BORCS5: variants seen among roughly 807,000 people sequenced by gnomAD.
BORCS5 encodes BLOC-1 related complex subunit 5.
Under a neutral mutation model 22.1 loss-of-function variants are expected in BORCS5, and 17 were observed. The ratio of observed to expected loss-of-function variants is 0.77; its 90% CI spans 0.53 to 1.15. The LOEUF (loss-of-function observed/expected upper bound fraction) is 1.15. BORCS5 is among the 50% of genes most tolerant of loss of function. The pLI is 0.00. For missense variants in BORCS5, 247 were observed against 253.2 expected (o/e 0.98, Z 0.17); for synonymous variants, 117 against 99.8 (o/e 1.17, Z -1.03).
At position 12,464,763 on chromosome 12, in the gene BORCS5, A is replaced by C. The variant is rs537361292; in HGVS notation, c.361-783A>C. On this transcript the variant is annotated intron_variant, in intron 3 of 3. Coordinates refer to ENST00000314565, the MANE Select transcript of BORCS5 (RefSeq NM_058169.6). ...CACGCAAGGGCAGCCCAGAGCCCGC[A>C]GTTTCTTTAATGGGGGAGAAGGGCA... 5.8e-4 allele frequency among the ~76,000 whole-genome samples: 89 copies of C among 152,240 alleles called. No individual in the cohort carries two copies. The South Asian group carries it at 8.9e-3, about 15-fold the overall frequency.
chr12:12,411,231 G>A (rs1032126811), intron 2 of BORCS5, among the ~76,000 whole-genome samples: 2 of 152,134 alleles, frequency 1.3e-5, no homozygotes, highest in Admixed American at 1.3e-4. Context: ...TCTCCTGCCT[G>A]ATTGCCCTGG....
At chr12:12,433,322 C>CAAA (rs34833037) in intron 2 of BORCS5, among the ~76,000 whole-genome samples, 46 of 40,680 alleles carry the variant, frequency 1.1e-3, no homozygotes, top group African/African-American at 2.1e-3. Flanking sequence ...GACTGTGTCT[C>CAAA]AAAAAAAAAA....
At chr12:12,358,292 C>G (rs1339623016) in intron 1 of BORCS5, among the ~76,000 whole-genome samples, 2 of 152,084 alleles carry the variant, frequency 1.3e-5, no homozygotes, top group East Asian at 1.9e-4. Context: ...AAAGAGTCGC[C>G]GATTTTAGAA....
At chr12:12,406,786 T>C (rs938493447) in intron 2 of BORCS5, among the ~76,000 whole-genome samples, 5 of 148,712 alleles carry the variant, frequency 3.4e-5, no homozygotes, top group African/African-American at 1.2e-4. Flanking sequence ...TGTGAGCATG[T>C]GTTAAACACC....
intron 3 of BORCS5, among the ~76,000 whole-genome samples, chr12:12,457,272 G>C (rs1340372671): frequency 6.6e-6 from 1 of 152,216 alleles, no homozygotes; most frequent in African/African-American, 2.4e-5. Context: ...CTGGCTTAAG[G>C]TCATGAAGGT....
At chr12:12,418,788 AT>A (rs1942038636) in intron 2 of BORCS5, among the ~76,000 whole-genome samples, 1 of 152,172 alleles carries the variant, frequency 6.6e-6, no homozygotes, top group Non-Finnish European at 1.5e-5. Context: ...AGACAAGCAT[AT>A]AGTTGGATCA....
chr12:12,366,056 T>C (rs1050790078), intron 2 of BORCS5, among the ~76,000 whole-genome samples: 1 of 152,210 alleles, frequency 6.6e-6, no homozygotes, highest in Non-Finnish European at 1.5e-5. Flanking sequence ...GCTGGGCTGC[T>C]GCAGGGGCCA....
intron 2 of BORCS5, among the ~76,000 whole-genome samples, chr12:12,407,530 A>G (rs570286938): frequency 1.6e-4 from 24 of 152,176 alleles, no homozygotes; most frequent in Admixed American, 1.2e-3. Context: ...TTGAGTGTAC[A>G]ATTCAGTGGC....
chr12:12,400,109 T>C (rs1029753504), intron 2 of BORCS5, among the ~76,000 whole-genome samples: 1 of 152,240 alleles, frequency 6.6e-6, no homozygotes, highest in Admixed American at 6.5e-5. Context: ...TGAATTAAGT[T>C]GAAGAATGTT....
intron 2 of BORCS5, among the ~76,000 whole-genome samples, chr12:12,427,653 TAC>T (rs1197073455): frequency 6.6e-6 from 1 of 152,210 alleles, no homozygotes; most frequent in Admixed American, 6.5e-5. Flanking sequence ...TATAACAGAA[TAC>T]CATAAACCGG....
chr12:12,362,666 G>GTTTTTTTTTTTTTTTTTTTTTT (rs1592050847), intron 2 of BORCS5, among the ~76,000 whole-genome samples: 1 of 35,766 alleles, frequency 2.8e-5, no homozygotes, highest in African/African-American at 7.5e-5. Context: ...TTTTTTTAGA[G>GTTTTTTTTTTTTTTTTTTTTTT]TTTTGCTCTG....
At chr12:12,429,594 T>A (rs919413698) in intron 2 of BORCS5, among the ~76,000 whole-genome samples, 1 of 143,674 alleles carries the variant, frequency 7.0e-6, no homozygotes, top group Non-Finnish European at 1.5e-5. Context: ...GTAATTCCTT[T>A]GATTTTGAAG....
chr12:12,419,531 A>G (rs941803989), intron 2 of BORCS5, among the ~76,000 whole-genome samples: 3 of 152,224 alleles, frequency 2.0e-5, no homozygotes, highest in Admixed American at 2.0e-4. Context: ...TTATAGCAGC[A>G]TGATTTATAA....
chr12:12,437,180 G>A (rs1475020646), intron 3 of BORCS5, among the ~76,000 whole-genome samples: 1 of 152,190 alleles, frequency 6.6e-6, no homozygotes. Flanking sequence ...AGTCATGGGG[G>A]CAGGTCTTTC....
chr12:12,437,248 G>T (rs1942574273), intron 3 of BORCS5, among the ~76,000 whole-genome samples: 1 of 152,156 alleles, frequency 6.6e-6, no homozygotes, highest in Non-Finnish European at 1.5e-5. Flanking sequence ...TTTGTAAAGG[G>T]GAGTTCCCCT....
At chr12:12,417,987 CATTTATTTATTTATTTATTTATTT>C (rs144698905) in intron 2 of BORCS5, among the ~76,000 whole-genome samples, 42,860 of 138,904 alleles carry the variant, frequency 0.31, 7,749 homozygotes, top group African/African-American at 0.52. Flanking sequence ...TATATCAAAC[CATTTATTTATTTATTTATTTATTT>C]ATTTATTTAT....
chr12:12,374,845 A>G (rs1429660971), intron 2 of BORCS5, among the ~76,000 whole-genome samples: 1 of 151,462 alleles, frequency 6.6e-6, no homozygotes, highest in South Asian at 2.1e-4. Context: ...GTAATCAGCT[A>G]CTGGGGAGGC....
chr12:12,412,874 A>G (rs1024594673), intron 2 of BORCS5, among the ~76,000 whole-genome samples: 4 of 144,138 alleles, frequency 2.8e-5, no homozygotes, highest in African/African-American at 1.0e-4. Context: ...CTTTCTCTGC[A>G]TCAGTTGAAA....
chr12:12,457,972 G>A lies in BORCS5; in HGVS notation c.361-7574G>A, dbSNP rs117980931. Reference sequence around the variant, plus strand: ...TATCCAGAGACAAAGGATAGGATTCGGGATAACCGTGGTCATAAGCTAGAA... The same window carrying A: ...TATCCAGAGACAAAGGATAGGATTCAGGATAACCGTGGTCATAAGCTAGAA... On this transcript the variant is annotated intron_variant, in intron 3 of 3. Coordinates refer to ENST00000314565, the MANE Select transcript of BORCS5 (RefSeq NM_058169.6). Among the ~76,000 whole-genome samples the A allele has an allele frequency of 1.2e-4, 18 of 152,292 alleles. No homozygotes were observed. The East Asian group carries it at 2.9e-3, about 24-fold the overall frequency.
Sources: gnomAD v4.1 joint callset for allele counts (sites outside exome capture counted in the v4.1 genomes callset) on GRCh38, gnomAD v4.1.1 for gene constraint, MANE v1.5 for transcripts, NCBI Gene and HGNC (gene_info 2026-07-23, HGNC 2026-07-21) for gene names.